Variants in ARB2A observed in about 807,000 individuals in gnomAD.
ARB2A encodes the protein cotranscriptional regulator ARB2A.
chr5:94,058,110 A>G, the ARB2A span, among the ~76,000 whole-genome samples: 2 of 152,174 alleles, frequency 1.3e-5, no homozygotes, highest in African/African-American at 2.4e-5. Context: ...ATGTATGCCT[A>G]TTAGCCCTAG....
At chr5:93,865,749 T>C in the ARB2A span, 8 of 985,236 alleles carry the variant, frequency 8.1e-6, no homozygotes, top group Non-Finnish European at 8.4e-6. Flanking sequence ...CTTTGGGAAA[T>C]AAAGGAACAA....
the ARB2A span, among the ~76,000 whole-genome samples, chr5:93,772,917 C>T: frequency 1.3e-5 from 2 of 152,212 alleles, no homozygotes; most frequent in Non-Finnish European, 2.9e-5. Context: ...TATCCTTAAG[C>T]AGCAGGCTTG....
chr5:93,863,344 C>A, the ARB2A span: 1 of 151,910 alleles, frequency 6.6e-6, no homozygotes, highest in Non-Finnish European at 1.5e-5. Context: ...TTACTGTAGC[C>A]TCAAATTCCT....
chr5:93,985,184 GTTACT>G, the ARB2A span, among the ~76,000 whole-genome samples: 1 of 152,154 alleles, frequency 6.6e-6, no homozygotes, highest in Non-Finnish European at 1.5e-5. Flanking sequence ...AATGTGCTGT[GTTACT>G]TTATCACCTA....
At chr5:93,623,433 C>T in the ARB2A span, among the ~76,000 whole-genome samples, 1 of 152,254 alleles carries the variant, frequency 6.6e-6, no homozygotes, top group South Asian at 2.1e-4. Context: ...CCCCTTGAAA[C>T]CAATTCAATC....
the ARB2A span, among the ~76,000 whole-genome samples, chr5:93,848,308 G>A: frequency 2.4e-4 from 36 of 151,762 alleles, no homozygotes; most frequent in African/African-American, 6.1e-4. Context: ...ACTTGAACCC[G>A]GGAGGCGGAG....
chr5:93,877,325 T>C, the ARB2A span, among the ~76,000 whole-genome samples: 1 of 152,192 alleles, frequency 6.6e-6, no homozygotes, highest in Non-Finnish European at 1.5e-5. Context: ...CTGACCTTCC[T>C]TGATTTAGTT....
At chr5:93,946,593 T>G in the ARB2A span, among the ~76,000 whole-genome samples, 40 of 152,230 alleles carry the variant, frequency 2.6e-4, 1 homozygote, top group South Asian at 7.0e-3. Context: ...AGAAAGTGAA[T>G]GATAAATCAA....
At chr5:93,845,741 G>A in the ARB2A span, among the ~76,000 whole-genome samples, 2 of 152,172 alleles carry the variant, frequency 1.3e-5, no homozygotes, top group Non-Finnish European at 2.9e-5. Flanking sequence ...CCTTTGGAAC[G>A]TGAGTGTCTG....
the ARB2A span, among the ~76,000 whole-genome samples, chr5:93,792,979 T>C: frequency 3.3e-5 from 5 of 152,132 alleles, no homozygotes; most frequent in South Asian, 2.1e-4. Context: ...TGAGGGATTA[T>C]GTACCAGTTT....
chr5:94,019,853 A>C, the ARB2A span, among the ~76,000 whole-genome samples: 1 of 152,192 alleles, frequency 6.6e-6, no homozygotes, highest in Non-Finnish European at 1.5e-5. Flanking sequence ...CATCTGGTGT[A>C]ATTATTTGAA....
the ARB2A span, among the ~76,000 whole-genome samples, chr5:93,772,275 G>A: frequency 6.6e-6 from 1 of 151,940 alleles, no homozygotes; most frequent in Non-Finnish European, 1.5e-5. Context: ...ATGGACACAG[G>A]AAGGGGAACA....
chr5:93,738,821 G>A, the ARB2A span: 3 of 152,220 alleles, frequency 2.0e-5, no homozygotes, highest in African/African-American at 7.2e-5. Context: ...AATGAGAAGA[G>A]TTTATGTTTG....
the ARB2A span, among the ~76,000 whole-genome samples, chr5:93,638,964 A>T: frequency 4.6e-5 from 7 of 152,212 alleles, no homozygotes; most frequent in African/African-American, 1.4e-4. Context: ...GAATAATTTC[A>T]CTTTTTTTCT....
chr5:93,692,273 G>A, the ARB2A span, among the ~76,000 whole-genome samples: 3 of 152,008 alleles, frequency 2.0e-5, no homozygotes, highest in Non-Finnish European at 2.9e-5. Flanking sequence ...GGCTGTATTC[G>A]GGAGACCCAT....
At chr5:94,043,204 A>G in the ARB2A span, among the ~76,000 whole-genome samples, 1 of 152,172 alleles carries the variant, frequency 6.6e-6, no homozygotes, top group East Asian at 1.9e-4. Context: ...CTGAATATCA[A>G]GCAGAACTAA....
the ARB2A span, among the ~76,000 whole-genome samples, chr5:93,937,476 G>T: frequency 6.6e-6 from 1 of 151,868 alleles, no homozygotes; most frequent in East Asian, 1.9e-4. Context: ...GCTGGGCGTG[G>T]TGGCATGCAC....
chr5:93,808,310 A>T, the ARB2A span, among the ~76,000 whole-genome samples: 214 of 151,706 alleles, frequency 1.4e-3, 7 homozygotes, highest in East Asian at 0.039. Context: ...TAAAATTCTG[A>T]TTTCTTAAAT....
At chr5:93,971,413 C>G in the ARB2A span, among the ~76,000 whole-genome samples, 1 of 151,518 alleles carries the variant, frequency 6.6e-6, no homozygotes, top group Non-Finnish European at 1.5e-5. Context: ...ACTAAAAATA[C>G]AAAATTAGCC....
Sources: gnomAD v4.1 joint callset for allele counts (sites outside exome capture counted in the v4.1 genomes callset) on GRCh38, gnomAD v4.1.1 for gene constraint, MANE v1.5 for transcripts, NCBI Gene and HGNC (gene_info 2026-07-23, HGNC 2026-07-21) for gene names.